Variants in SEPTIN3 observed in about 807,000 individuals in gnomAD.
The protein encoded by SEPTIN3 is septin 3.
A neutral mutation model predicts 45.1 loss-of-function variants in SEPTIN3; 15 were observed. The observed-to-expected ratio is 0.33, with a 90% confidence interval of 0.22 to 0.51. The LOEUF is 0.51. Among genes scored for constraint, SEPTIN3 ranks in the 20% least tolerant of loss-of-function variants. The pLI, the probability that SEPTIN3 is intolerant of heterozygous loss-of-function variation, is 0.97. For synonymous variants in SEPTIN3, 148 were observed against 164.8 expected (o/e 0.90, Z 0.78); for missense variants, 289 against 457.2 (o/e 0.63, Z 3.35).
intron 7 of SEPTIN3, 129 bp from the exon 8 acceptor site, chr22:41,991,444 C>G (rs1488874264): frequency 4.2e-6 from 3 of 711,732 alleles, no homozygotes; most frequent in African/African-American, 3.5e-5. Flanking sequence ...TCTCAGAGTT[C>G]AGAGATGACT....
chr22:41,992,721 A>G lies in SEPTIN3; in HGVS notation c.2317A>G (p.Lys773Glu), dbSNP rs145988168. The G allele has an allele frequency of 3.3e-5, 54 of 1,612,716 alleles. No homozygotes were observed. The highest frequency in any genetic ancestry group is 4.2e-5 in the Non-Finnish European group (50 of 1,179,534). The stretch of plus-strand genomic sequence containing the variant: ...TGACAAGGAGTACCAAGTGAATGGC[A>G]AGAGGGTCCTCGGCCGAAAAACTCC... ...GSDKEYQVNGKRVLGRKTPWG... is the reference protein window; with the variant it reads ...GSDKEYQVNGERVLGRKTPWG... Residue 773 changes from lysine to glutamate, a missense_variant, in exon 9 of 12, where the codon AAG becomes GAG. Lys to Glu is a moderately conservative substitution (Grantham distance 56, BLOSUM62 1). Transcript: ENST00000644076.
intron 11 of SEPTIN3, chr22:41,995,102 T>C: frequency 1.8e-6 from 2 of 1,105,222 alleles, no homozygotes; most frequent in Non-Finnish European, 2.2e-6. Context: ...GGAGGTTTCA[T>C]TTAAAAGTGC....
intron 2 of SEPTIN3, among the ~76,000 whole-genome samples, chr22:41,974,606 T>A (rs1483667809): frequency 6.9e-6 from 1 of 145,724 alleles, no homozygotes; most frequent in East Asian, 2.0e-4. Flanking sequence ...GAGCTTGCAG[T>A]GAGCCGAGAT....
intron 2 of SEPTIN3, among the ~76,000 whole-genome samples, chr22:41,973,581 G>A (rs1369594339): frequency 1.3e-5 from 2 of 151,952 alleles, no homozygotes; most frequent in African/African-American, 4.8e-5. Context: ...GCTGAGGCAG[G>A]AGAATGGCGT....
intron 3 of SEPTIN3, 139 bp downstream of exon 3, chr22:41,981,975 C>G: frequency 1.2e-6 from 1 of 801,420 alleles, no homozygotes; most frequent in Admixed American, 2.3e-5. Context: ...ATGCTGATCA[C>G]AAAGGCCTGA....
At chr22:41,993,980 A>G (rs1266272795) in intron 9 of SEPTIN3, among the ~76,000 whole-genome samples, 1 of 152,248 alleles carries the variant, frequency 6.6e-6, no homozygotes, top group African/African-American at 2.4e-5. Context: ...AGTGTATCTT[A>G]GGCCTTGGCC....
chr22:41,987,119 C>T, intron 4 of SEPTIN3, 87 bp from the exon 5 acceptor site: 1 of 985,194 alleles, frequency 1.0e-6, no homozygotes, highest in Non-Finnish European at 1.5e-6. Context: ...GAAGACAAGG[C>T]CTGGGTCTCC....
At chr22:41,970,933 T>G (rs1197684120) in intron 1 of SEPTIN3, among the ~76,000 whole-genome samples, 2 of 152,180 alleles carry the variant, frequency 1.3e-5, no homozygotes, top group East Asian at 3.8e-4. Flanking sequence ...CAGGGCTCTT[T>G]CTTGGTTCTG....
At chr22:41,992,037 A>T (rs1196609455) in intron 8 of SEPTIN3, among the ~76,000 whole-genome samples, 4 of 152,140 alleles carry the variant, frequency 2.6e-5, no homozygotes, top group Admixed American at 2.6e-4. Flanking sequence ...TATGAAATGC[A>T]GGGGTTAGAC....
intron 7 of SEPTIN3, 99 bp downstream of exon 7, chr22:41,989,783 C>T (rs1432243744): frequency 2.6e-6 from 2 of 757,508 alleles, no homozygotes; most frequent in Non-Finnish European, 4.6e-6. Flanking sequence ...GCCTTCACCC[C>T]CACCCTCAAC....
chr22:41,987,799 G>A (rs2078234795), intron 6 of SEPTIN3, 40 bp downstream of exon 6: 16 of 1,585,228 alleles, frequency 1.0e-5, no homozygotes, highest in Non-Finnish European at 1.3e-5. Context: ...GCCTGGTCTG[G>A]TTTGTATCAT....
chr22:41,997,302 A>G lies in SEPTIN3; in HGVS notation c.*335A>G, dbSNP rs1413947340. 3.2e-6 allele frequency: 1 copy of G among 310,950 alleles called. No individual in the cohort carries two copies. Among genetic ancestry groups the G allele is most frequent in the African/African-American group, 2.2e-5 (1 of 46,250 alleles). The allele number at this position is 310,950 out of a possible 1,614,324, so 19.3% of individuals were successfully genotyped here. ...GCTACTTGTAACCATCTCTAAGGGC[A>G]ATGGCATTGCTCCCTACCCATTCAT... On this transcript the variant is annotated 3_prime_UTR_variant, in exon 12 of 12. Transcript: ENST00000644076.
chr22:41,994,822 A>C lies in SEPTIN3; in HGVS notation c.2505+108A>C. Reference sequence around the variant, plus strand: ...ACACACATCCCAAATACCACCACCAACCACCTTCTTCCTCTCAACTCTGTC... The same window carrying C: ...ACACACATCCCAAATACCACCACCACCCACCTTCTTCCTCTCAACTCTGTC... On this transcript the variant is annotated intron_variant, in intron 11 of 11. Coordinates refer to ENST00000644076, the MANE Select transcript of SEPTIN3 (RefSeq NM_001363845.2). The surrounding 1 kb of genome is among the most constrained non-coding windows in gnomAD (Gnocchi z 4.2). The C allele has an allele frequency of 2.5e-6, 4 of 1,581,436 alleles. No homozygotes were observed. The highest frequency in any genetic ancestry group is 2.6e-6 in the Non-Finnish European group (3 of 1,163,680).
At chr22:41,975,555 C>T (rs1329496702) in intron 2 of SEPTIN3, among the ~76,000 whole-genome samples, 2 of 152,166 alleles carry the variant, frequency 1.3e-5, no homozygotes, top group East Asian at 1.9e-4. Context: ...CTTATCTACC[C>T]GGATGTCTCC....
At position 41,991,597 on chromosome 22, in the gene SEPTIN3, G is replaced by A; in HGVS notation, c.2188G>A (p.Gly730Ser). 1 of 1,613,872 alleles carries A rather than the reference G, an allele frequency of 6.2e-7. No individual in the cohort carries two copies. The highest frequency in any genetic ancestry group is 8.5e-7 in the Non-Finnish European group (1 of 1,179,758). Residue 730 changes from glycine (G) to serine (S), a missense_variant, in exon 8 of 12, where the codon GGC (glycine) becomes AGC (serine). By Grantham distance (56) the Gly-to-Ser change is moderately conservative (BLOSUM62 0). Transcript: ENST00000644076. ...QRVRKELEVNGIEFYPQKEFD... is the reference protein window; with the variant it reads ...QRVRKELEVNSIEFYPQKEFD... Reference sequence around the variant, plus strand: ...GGTTCGCAAGGAGCTTGAAGTAAATGGCATTGAATTCTACCCCCAGAAGGA... The same window carrying A: ...GGTTCGCAAGGAGCTTGAAGTAAATAGCATTGAATTCTACCCCCAGAAGGA...
intron 4 of SEPTIN3, 44 bp downstream of exon 4, chr22:41,986,156 G>A (rs368805499): frequency 1.6e-4 from 262 of 1,602,514 alleles, no homozygotes; most frequent in South Asian, 6.8e-4. Flanking sequence ...TTCAGTGAGT[G>A]CCTCTGCTGG....
At position 41,997,008 on chromosome 22, in the gene SEPTIN3, C is replaced by G; in HGVS notation, c.*41C>G. On this transcript the variant is annotated 3_prime_UTR_variant, in exon 12 of 12. Transcript: ENST00000644076. Reference sequence around the variant, plus strand: ...CTGCTTCTCACTCCATTCCTCTCAGCTGTTATTGCTGCAGGGCCAAGCCCT... The same window carrying G: ...CTGCTTCTCACTCCATTCCTCTCAGGTGTTATTGCTGCAGGGCCAAGCCCT... 6.2e-7 allele frequency: 1 copy of G among 1,613,552 alleles called. No individual in the cohort carries two copies.
chr22:41,986,657 G>T (rs993903461), intron 4 of SEPTIN3, among the ~76,000 whole-genome samples: 1 of 151,680 alleles, frequency 6.6e-6, no homozygotes, highest in Non-Finnish European at 1.5e-5. Context: ...CCGCCACCAC[G>T]CCCGGCTAAT....
chr22:41,976,905 C>A lies in SEPTIN3; in HGVS notation c.1504+3909C>A. On this transcript the variant is annotated intron_variant, in intron 2 of 11. Transcript: ENST00000644076. The surrounding 1 kb of genome is among the most constrained non-coding windows in gnomAD (Gnocchi z 5.8). The stretch of plus-strand genomic sequence containing the variant: ...GGCGCGGCGGCGCGGGGCGCAGGGG[C>A]GGCGCGGCGGGGCCGCGGGCCGGGC... 3.6e-6 allele frequency: 1 copy of A among 276,042 alleles called. No homozygotes were observed. The highest frequency in any genetic ancestry group is 1.3e-4 in the South Asian group (1 of 7,874). 17.1% of individuals were successfully genotyped at this position (276,042 alleles called of 1,614,324 possible).
Sources: allele counts gnomAD v4.1 joint callset (sites outside exome capture counted in the v4.1 genomes callset), GRCh38; gene constraint gnomAD v4.1.1; non-coding constraint Gnocchi (gnomAD v3.1); transcripts MANE v1.5; gene names NCBI Gene and HGNC (gene_info 2026-07-23, HGNC 2026-07-21).